The following ULK2 variants were observed in gnomAD, a reference collection of about 807,000 sequenced individuals.
The protein encoded by ULK2 is unc-51 like autophagy activating kinase 2.
A neutral mutation model predicts 127.5 loss-of-function variants in ULK2; 76 were observed. That is an observed-to-expected ratio of 0.60 (90% CI 0.50 to 0.72). The LOEUF (loss-of-function observed/expected upper bound fraction) is 0.72, where lower values mean the gene tolerates loss of function less well. Among genes scored for constraint, ULK2 ranks in the 30% least tolerant of loss-of-function variants. ULK2 has a pLI of 0.00. For synonymous variants in ULK2, 452 were observed against 461.9 expected, an observed-to-expected ratio of 0.98 and a Z score of 0.28; for missense variants, 1,144 against 1,295.9, an observed-to-expected ratio of 0.88 and a Z score of 1.80.
intron 10 of ULK2, among the ~76,000 whole-genome samples, chr17:19,835,512 C>T (rs1390058859): frequency 6.7e-6 from 1 of 148,648 alleles, no homozygotes; most frequent in East Asian, 2.1e-4. Flanking sequence ...GTCAGGAGAT[C>T]GAAACCATCC....
chr17:19,815,462 T>A (rs1431347424), intron 13 of ULK2, among the ~76,000 whole-genome samples: 1 of 152,154 alleles, frequency 6.6e-6, no homozygotes, highest in African/African-American at 2.4e-5. Flanking sequence ...TTTGTATTTT[T>A]AGTAGAGACG....
Position 19,810,407 on chromosome 17 carries a change from A to G in ULK2, c.1128T>C (p.Arg376=). The change falls in exon 14 of 27, where the codon CGT becomes CGC. Residue 376 remains arginine (R), a synonymous_variant. Transcript: ENST00000395544. ...CACACACCAAGAATTCATTTGAAGC[A>G]CGTCTGCCAGCAGTCCCCACTGGCA... ...CDMPVGTAGR[R]ASNEFLVCGG... 1 of 1,608,534 alleles carries G rather than the reference A, an allele frequency of 6.2e-7. No homozygotes were observed. Among genetic ancestry groups the G allele is most frequent in the African/African-American group, 1.3e-5 (1 of 74,892 alleles).
chr17:19,849,562 T>C (rs2041967868), intron 4 of ULK2, among the ~76,000 whole-genome samples, 157 bp from the exon 5 acceptor site: 1 of 152,116 alleles, frequency 6.6e-6, no homozygotes. Flanking sequence ...TTTATATTCC[T>C]TGAGTAGAAT....
At chr17:19,784,975 C>A (rs1025651235) in intron 21 of ULK2, among the ~76,000 whole-genome samples, 21 of 152,188 alleles carry the variant, frequency 1.4e-4, no homozygotes, top group Non-Finnish European at 2.6e-4. Context: ...CTATCCTTTG[C>A]TTATTAACCT....
chr17:19,849,702 A>T, intron 4 of ULK2, 40 bp downstream of exon 4: 1 of 1,388,032 alleles, frequency 7.2e-7, no homozygotes, highest in Non-Finnish European at 9.7e-7. Flanking sequence ...AAAAAAAAGA[A>T]ATTTGAAATA....
At chr17:19,827,460 ATC>A (rs1261560610) in intron 10 of ULK2, among the ~76,000 whole-genome samples, 1 of 152,188 alleles carries the variant, frequency 6.6e-6, no homozygotes, top group East Asian at 1.9e-4. Context: ...ATTTCCACAA[ATC>A]TCTGTTAGTA....
chr17:19,816,092 A>G (rs1403458144), intron 13 of ULK2, among the ~76,000 whole-genome samples: 1 of 152,242 alleles, frequency 6.6e-6, no homozygotes, highest in Non-Finnish European at 1.5e-5. Context: ...TAGACGAACA[A>G]CTAAAAAGAC....
At chr17:19,849,533 G>C in intron 4 of ULK2, 128 bp from the exon 5 acceptor site, 1 of 1,038,688 alleles carries the variant, frequency 9.6e-7, no homozygotes, top group East Asian at 2.7e-5. Context: ...AAACATTATA[G>C]ATTCAAAATT....
At chr17:19,827,537 A>T (rs1169874046) in intron 10 of ULK2, among the ~76,000 whole-genome samples, 1 of 152,238 alleles carries the variant, frequency 6.6e-6, no homozygotes, top group Non-Finnish European at 1.5e-5. Flanking sequence ...ATCAGGGTTA[A>T]TTTGCTAAGT....
intron 20 of ULK2, among the ~76,000 whole-genome samples, chr17:19,786,617 G>A (rs978830866): frequency 1.3e-5 from 2 of 151,812 alleles, no homozygotes; most frequent in East Asian, 3.9e-4. Context: ...AAGAGCCTGA[G>A]TCAGGAGAAT....
chr17:19,859,529 A>T (rs1007523542), intron 3 of ULK2, among the ~76,000 whole-genome samples: 3 of 152,244 alleles, frequency 2.0e-5, no homozygotes, highest in Non-Finnish European at 2.9e-5. Context: ...TTTAAAAGAT[A>T]GCTAATATCT....
At chr17:19,784,400 A>G (rs2086983418) in intron 21 of ULK2, among the ~76,000 whole-genome samples, 1 of 152,052 alleles carries the variant, frequency 6.6e-6, no homozygotes, top group Admixed American at 6.6e-5. Context: ...TGGAATTAGC[A>G]TAGATCAATA....
At chr17:19,844,177 A>C (rs1195096125) in intron 7 of ULK2, among the ~76,000 whole-genome samples, 1 of 152,162 alleles carries the variant, frequency 6.6e-6, no homozygotes, top group Non-Finnish European at 1.5e-5. Flanking sequence ...TGTTACGGGT[A>C]TTTTCCCACC....
At chr17:19,816,122 A>C (rs1443311900) in intron 13 of ULK2, among the ~76,000 whole-genome samples, 1 of 152,238 alleles carries the variant, frequency 6.6e-6, no homozygotes, top group Non-Finnish European at 1.5e-5. Context: ...ACTGCTGCAC[A>C]TAATCAGCAC....
Position 19,841,530 on chromosome 17 carries a change from G to T in ULK2, c.663C>A (p.Asp221Glu). 1 of 1,587,540 alleles carries T rather than the reference G, an allele frequency of 6.3e-7. No individual in the cohort carries two copies. The highest frequency in any genetic ancestry group is 1.4e-5 in the African/African-American group (1 of 72,764). ...KPPFQANSPQ[D>E]LRMFYEKNRS... ...TGTTTTTTTCATAAAACATCCTTAA[G>T]TCTTGAGGACTATTGGCCTATTAAA... Residue 221 changes from aspartate to glutamate, a missense_variant, in exon 9 of 27, where the codon GAC becomes GAA. Around this residue, in one of 2 missense-constraint regions of ULK2, gnomAD observed 231 missense variants for 325.4 expected, o/e 0.71. Transcript: ENST00000395544.
intron 14 of ULK2, among the ~76,000 whole-genome samples, chr17:19,810,006 CG>C (rs2087599204): frequency 6.6e-6 from 1 of 152,004 alleles, no homozygotes; most frequent in Admixed American, 6.5e-5. Context: ...CCAAGGCGGG[CG>C]GATCATGAGA....
intron 14 of ULK2, 141 bp from the exon 15 acceptor site, chr17:19,804,971 T>TA: frequency 1.0e-6 from 1 of 983,366 alleles, no homozygotes; most frequent in Non-Finnish European, 1.3e-6. Context: ...ATGATCTTGT[T>TA]AAAAAATATA....
chr17:19,866,852 C>T (rs896090700), intron 1 of ULK2, among the ~76,000 whole-genome samples: 1 of 152,082 alleles, frequency 6.6e-6, no homozygotes, highest in Non-Finnish European at 1.5e-5. Context: ...TGCAGGGGAC[C>T]AGTGCTGGGA....
intron 3 of ULK2, among the ~76,000 whole-genome samples, chr17:19,861,249 A>C (rs2042236026): frequency 6.6e-6 from 1 of 152,170 alleles, no homozygotes; most frequent in South Asian, 2.1e-4. Context: ...ATTCTGATAG[A>C]AAATAATCTA....
Sources: allele counts gnomAD v4.1 joint callset (sites outside exome capture counted in the v4.1 genomes callset), GRCh38; gene constraint gnomAD v4.1.1; regional missense constraint gnomAD v4.1.1; transcripts MANE v1.5; gene names NCBI Gene and HGNC (gene_info 2026-07-23, HGNC 2026-07-21).